ADGRL2: variants seen among roughly 807,000 people sequenced by gnomAD.
The protein encoded by ADGRL2 is calcium-independent alpha-latrotoxin receptor 2.
Under a neutral mutation model 157.4 loss-of-function variants are expected in ADGRL2, and 44 were observed. The ratio of observed to expected loss-of-function variants is 0.28; its 90% confidence interval spans 0.22 to 0.36. The LOEUF (loss-of-function observed/expected upper bound fraction) is 0.36. Among genes scored for constraint, ADGRL2 ranks in the 10% least tolerant of loss-of-function variants. ADGRL2 has a pLI of 1.00. For synonymous variants in ADGRL2, 585 were observed against 624.7 expected (o/e 0.94, Z 0.95); for missense variants, 1,510 against 1,768.9 (o/e 0.85, Z 2.63).
intron 1 of ADGRL2, among the ~76,000 whole-genome samples, chr1:81,410,862 T>G (rs1001603318): frequency 3.3e-5 from 5 of 152,250 alleles, no homozygotes; most frequent in Non-Finnish European, 7.3e-5. Context: ...AGTCACTTTG[T>G]ATGTGTATTC....
intron 2 of ADGRL2, among the ~76,000 whole-genome samples, chr1:81,492,626 C>G (rs1194904977): frequency 6.6e-6 from 1 of 152,228 alleles, no homozygotes; most frequent in East Asian, 1.9e-4. Flanking sequence ...TAAACTTAAA[C>G]TAAGAATGCT....
intron 3 of ADGRL2, among the ~76,000 whole-genome samples, chr1:81,692,519 T>C (rs191747160): frequency 2.6e-4 from 40 of 152,096 alleles, no homozygotes; most frequent in African/African-American, 9.6e-4. Flanking sequence ...TAGAATAAAG[T>C]AAAAAGAAAG....
chr1:81,788,393 C>T (rs913129261), intron 2 of ADGRL2, among the ~76,000 whole-genome samples: 18 of 152,230 alleles, frequency 1.2e-4, no homozygotes, highest in African/African-American at 4.3e-4. Flanking sequence ...GGACCTCTCC[C>T]TTCTCTCTCT....
Position 81,489,653 on chromosome 1 carries a change from A to G in ADGRL2, c.-248+44564A>G, listed in dbSNP as rs60944996. 9.2e-3 allele frequency among the ~76,000 whole-genome samples: 1,396 copies of G among 152,334 alleles called. 31 individuals carry two copies. The highest frequency in any genetic ancestry group is 0.031 in the African/African-American group (1,300 of 41,580). ...GTAAGATGAGCTCAACAAGACCCAC[A>G]TGAAGACACATAATAATTAAACTTT... On this transcript the variant is annotated intron_variant, in intron 2 of 24. Transcript: ENST00000370721.
At chr1:81,765,150 T>A (rs188220129) in intron 2 of ADGRL2, among the ~76,000 whole-genome samples, 213 of 152,174 alleles carry the variant, frequency 1.4e-3, no homozygotes, top group Non-Finnish European at 2.4e-3. Context: ...CTAGTATCAA[T>A]CTTTCCTAAA....
chr1:81,867,424 T>G (rs181079889), intron 2 of ADGRL2, among the ~76,000 whole-genome samples: 43 of 152,354 alleles, frequency 2.8e-4, no homozygotes, highest in Non-Finnish European at 1.3e-4. Context: ...CATGGGCCTA[T>G]GCCATGTGGC....
At chr1:81,891,876 T>C (rs2094274725) in intron 2 of ADGRL2, among the ~76,000 whole-genome samples, 1 of 152,100 alleles carries the variant, frequency 6.6e-6, no homozygotes, top group Admixed American at 6.6e-5. Flanking sequence ...ATTCTAACAC[T>C]GAAATTATTA....
At chr1:81,705,747 G>A (rs553945319) in intron 1 of ADGRL2, among the ~76,000 whole-genome samples, 104 of 151,338 alleles carry the variant, frequency 6.9e-4, no homozygotes, top group Non-Finnish European at 1.3e-3. Context: ...AGATTCCACC[G>A]CTATAAAAAA....
chr1:81,467,211 G>A (rs1020551794), intron 2 of ADGRL2, among the ~76,000 whole-genome samples: 4 of 152,100 alleles, frequency 2.6e-5, no homozygotes, highest in East Asian at 1.9e-4. Flanking sequence ...AAATGCAGCC[G>A]TGGCTTTGAG....
chr1:81,427,172 C>T lies in ADGRL2; in HGVS notation c.-301-17864C>T, dbSNP rs12121928. 8.7e-5 allele frequency: 88 copies of T among 1,008,832 alleles called. 2 individuals are homozygous for T. Among genetic ancestry groups the T allele is most frequent in the South Asian group, 6.4e-4 (50 of 78,658 alleles). The allele number at this position is 1,008,832 out of a possible 1,614,324, so 62.5% of individuals were successfully genotyped here. A position where few individuals can be genotyped will look rare whatever the true frequency, so the allele number is the denominator to read the frequency against. ...TTTTATGGGTTGCGGAGGAAACTTTCGAGGTGGTGGAGGTAATTTTGGCCA... is the reference window on the plus strand; with the variant it reads ...TTTTATGGGTTGCGGAGGAAACTTTTGAGGTGGTGGAGGTAATTTTGGCCA... On this transcript the variant is annotated intron_variant, in intron 1 of 24. Transcript: ENST00000370721.
chr1:81,352,687 G>C (rs114446401), intron 1 of ADGRL2, among the ~76,000 whole-genome samples: 1 of 152,092 alleles, frequency 6.6e-6, no homozygotes, highest in Non-Finnish European at 1.5e-5. Flanking sequence ...TTAAACCTCC[G>C]TTGGTAAATT....
At chr1:81,851,253 T>C (rs4628540) in intron 2 of ADGRL2, among the ~76,000 whole-genome samples, 1,952 of 152,046 alleles carry the variant, frequency 0.013, 50 homozygotes, top group African/African-American at 0.045. Context: ...GGTAATAACC[T>C]ACACTGAAGT....
intron 3 of ADGRL2, among the ~76,000 whole-genome samples, chr1:81,684,580 G>T (rs2083191917): frequency 2.0e-5 from 3 of 152,114 alleles, no homozygotes; most frequent in Non-Finnish European, 2.9e-5. Flanking sequence ...CCACTCTGTG[G>T]GTTGTCTGTT....
intron 2 of ADGRL2, among the ~76,000 whole-genome samples, chr1:81,449,310 A>C (rs1373184456): frequency 6.6e-6 from 1 of 152,318 alleles, no homozygotes; most frequent in Non-Finnish European, 1.5e-5. Context: ...ATGGAATTAT[A>C]TTATCCAGGG....
At chr1:81,449,168 C>G (rs540998158) in intron 2 of ADGRL2, among the ~76,000 whole-genome samples, 1 of 148,330 alleles carries the variant, frequency 6.7e-6, no homozygotes, top group African/African-American at 2.5e-5. Context: ...TATCCAGGGT[C>G]TGTGTAATAC....
In ADGRL2 at chr1:81,737,340, C is replaced by T. The variant is rs112487040; in HGVS notation, c.-142-24471C>T. ...GGCAGAAGGGTGAAGAGGAAGCAGG[C>T]GTGTCTTCACATGGTGGCAGGAGAA... On this transcript the variant is annotated intron_variant, in intron 1 of 20. Coordinates refer to the ADGRL2 transcript ENST00000359929. Among the ~76,000 whole-genome samples, 467 of 152,262 alleles carry T rather than the reference C, an allele frequency of 3.1e-3. 2 individuals are homozygous for T. Among genetic ancestry groups the T allele is most frequent in the African/African-American group, 0.01 (431 of 41,544 alleles).
At chr1:81,528,631 A>T (rs2079524962) in intron 2 of ADGRL2, among the ~76,000 whole-genome samples, 1 of 142,216 alleles carries the variant, frequency 7.0e-6, no homozygotes, top group South Asian at 2.3e-4. Flanking sequence ...TGGGCAAAAA[A>T]GTGAGACTCC....
intron 2 of ADGRL2, among the ~76,000 whole-genome samples, chr1:81,454,984 G>T (rs142871385): frequency 6.6e-6 from 1 of 152,156 alleles, no homozygotes. Flanking sequence ...TGTAAGGCCA[G>T]CAAGCCCAAA....
At chr1:81,468,884 C>A (rs948616394) in intron 2 of ADGRL2, among the ~76,000 whole-genome samples, 1 of 152,076 alleles carries the variant, frequency 6.6e-6, no homozygotes, top group African/African-American at 2.4e-5. Flanking sequence ...ATCACAATCA[C>A]AAAAGTAAAC....
Sources: allele counts gnomAD v4.1 joint callset (sites outside exome capture counted in the v4.1 genomes callset), GRCh38; gene constraint gnomAD v4.1.1; transcripts MANE v1.5; gene names NCBI Gene and HGNC (gene_info 2026-07-23, HGNC 2026-07-21).